MACROD2: variants seen among roughly 807,000 people sequenced by gnomAD.
MACROD2 encodes the protein mono-ADP ribosylhydrolase 2.
In MACROD2, 36 loss-of-function variants were observed where a neutral mutation model predicts 70.4. The observed-to-expected ratio is 0.51, with a 90% CI of 0.39 to 0.68. The LOEUF (loss-of-function observed/expected upper bound fraction) is 0.68. MACROD2 is among the 30% of genes least tolerant of loss of function. The pLI is 0.00. For synonymous variants in MACROD2, 172 were observed against 178.8 expected, an observed-to-expected ratio of 0.96 and a Z score of 0.30; for missense variants, 496 against 538.4, an observed-to-expected ratio of 0.92 and a Z score of 0.78.
chr20:14,808,715 G>T lies in MACROD2; in HGVS notation c.418+123756G>T, dbSNP rs140760373. On this transcript the variant is annotated intron_variant, in intron 5 of 17. Transcript: ENST00000684519. ...ATCTCATGTGCAAAGACACACATAGGCTCAAAATAAAGGGATGGAGCAAGA... is the reference window on the plus strand; with the variant it reads ...ATCTCATGTGCAAAGACACACATAGTCTCAAAATAAAGGGATGGAGCAAGA... Among the ~76,000 whole-genome samples the T allele has an allele frequency of 5.7e-4, 87 of 151,332 alleles. No individual in the cohort carries two copies. In the East Asian group the frequency reaches 0.013, roughly 23 times the overall value.
chr20:14,430,545 C>G (rs565275940), intron 3 of MACROD2, among the ~76,000 whole-genome samples: 1 of 149,278 alleles, frequency 6.7e-6, no homozygotes, highest in Admixed American at 6.6e-5. Context: ...GATGGCAATG[C>G]TTTGTTCAAA....
intron 5 of MACROD2, among the ~76,000 whole-genome samples, chr20:15,064,088 A>G (rs556522027): frequency 2.0e-5 from 3 of 152,316 alleles, no homozygotes; most frequent in African/African-American, 7.2e-5. Flanking sequence ...CGCACCAGTG[A>G]TTGAGTGACT....
At chr20:14,713,540 G>A (rs1416504747) in intron 5 of MACROD2, among the ~76,000 whole-genome samples, 2 of 152,104 alleles carry the variant, frequency 1.3e-5, no homozygotes, top group East Asian at 3.9e-4. Context: ...TGATTAAATA[G>A]ATTAGGTGGA....
chr20:14,930,322 C>CT (rs1568882466), intron 5 of MACROD2, among the ~76,000 whole-genome samples: 1 of 152,100 alleles, frequency 6.6e-6, no homozygotes, highest in Non-Finnish European at 1.5e-5. Context: ...ACCTTGTTGT[C>CT]AATGTGGAAT....
chr20:14,603,504 C>G (rs543956398), intron 4 of MACROD2, among the ~76,000 whole-genome samples: 6 of 152,074 alleles, frequency 3.9e-5, no homozygotes, highest in Non-Finnish European at 7.4e-5. Context: ...TTGGCATGGT[C>G]TAATACTTGG....
intron 5 of MACROD2, among the ~76,000 whole-genome samples, chr20:14,906,716 A>C (rs1008349560): frequency 5.3e-5 from 8 of 152,182 alleles, no homozygotes; most frequent in Admixed American, 4.6e-4. Flanking sequence ...TAGGTTCAAT[A>C]AAAGAACAGG....
At position 15,021,259 on chromosome 20, in the gene MACROD2, CACCTGT is replaced by C. The variant is rs1178081379; in HGVS notation, c.419-208680_419-208675del. Among the ~76,000 whole-genome samples the C allele has an allele frequency of 4.4e-5, 4 of 91,954 alleles. 1 individual carries two copies. Among genetic ancestry groups the C allele is most frequent in the Admixed American group, 1.0e-4 (1 of 9,588 alleles). The allele number at this position is 91,954 out of a possible 152,430, so 60.3% of individuals were successfully genotyped here. Reference sequence around the variant, plus strand: ...ACACACCTGTGTGTATGTATACACACACCTGTGTGTGTGTATACGCACACCTGTGTG... The same window carrying C: ...ACACACCTGTGTGTATGTATACACACGTGTGTGTATACGCACACCTGTGTG... On this transcript the variant is annotated intron_variant, in intron 5 of 17. Transcript: ENST00000684519.
chr20:15,842,603 A>G (rs1004905282), intron 8 of MACROD2, among the ~76,000 whole-genome samples: 3 of 150,810 alleles, frequency 2.0e-5, no homozygotes, highest in African/African-American at 4.9e-5. Context: ...TTGCATTGCT[A>G]TTTGAACATC....
chr20:14,782,726 C>G (rs944076581), intron 5 of MACROD2, among the ~76,000 whole-genome samples: 3 of 152,098 alleles, frequency 2.0e-5, no homozygotes, highest in Non-Finnish European at 4.4e-5. Context: ...CTCCCTCTGC[C>G]CAGTCCTGCT....
At chr20:14,472,772 A>G (rs1429327620) in intron 3 of MACROD2, among the ~76,000 whole-genome samples, 1 of 152,202 alleles carries the variant, frequency 6.6e-6, no homozygotes, top group East Asian at 1.9e-4. Flanking sequence ...GAAGGCAGAA[A>G]CACTGCTTAT....
At chr20:14,510,361 T>G (rs2085016172) in intron 4 of MACROD2, among the ~76,000 whole-genome samples, 1 of 152,076 alleles carries the variant, frequency 6.6e-6, no homozygotes, top group South Asian at 2.1e-4. Context: ...ATTAATAAAA[T>G]GAGAAAAACA....
chr20:14,127,528 G>T, intron 3 of MACROD2: 1 of 508,908 alleles, frequency 2.0e-6, no homozygotes, highest in South Asian at 3.1e-5. Flanking sequence ...CTCTACTTAA[G>T]GAGAAAGCCA....
At chr20:15,349,981 T>C (rs915597064) in intron 6 of MACROD2, among the ~76,000 whole-genome samples, 2 of 152,128 alleles carry the variant, frequency 1.3e-5, no homozygotes, top group Non-Finnish European at 2.9e-5. Context: ...TTCTCATTGC[T>C]GATAGATGAA....
chr20:15,580,662 T>C (rs1277419430), intron 8 of MACROD2, among the ~76,000 whole-genome samples: 3 of 152,168 alleles, frequency 2.0e-5, no homozygotes, highest in Non-Finnish European at 2.9e-5. Context: ...CTTTACCCTC[T>C]GAAGGTTTGC....
chr20:14,677,056 T>G (rs2070870323), intron 4 of MACROD2, among the ~76,000 whole-genome samples: 1 of 152,204 alleles, frequency 6.6e-6, no homozygotes, highest in African/African-American at 2.4e-5. Context: ...GTACAGTACC[T>G]GATACGTTTC....
intron 15 of MACROD2, among the ~76,000 whole-genome samples, chr20:15,998,996 G>C (rs1261272944): frequency 6.6e-6 from 1 of 152,022 alleles, no homozygotes; most frequent in Non-Finnish European, 1.5e-5. Context: ...TTTCATGAGA[G>C]ATTAGAGATT....
chr20:13,998,815 C>T (rs1213893015), intron 1 of MACROD2, among the ~76,000 whole-genome samples: 4 of 151,944 alleles, frequency 2.6e-5, no homozygotes, highest in Non-Finnish European at 5.9e-5. Context: ...ATTAGCCGGT[C>T]GTGGTGGCAC....
At chr20:14,859,155 A>C (rs6034050) in intron 5 of MACROD2, among the ~76,000 whole-genome samples, 2,433 of 152,152 alleles carry the variant, frequency 0.016, 66 homozygotes, top group African/African-American at 0.055. Context: ...GCTGTGGTGC[A>C]CTAAAATCTC....
At chr20:15,627,242 A>C (rs200447680) in intron 8 of MACROD2, among the ~76,000 whole-genome samples, 3,146 of 151,832 alleles carry the variant, frequency 0.021, 38 homozygotes, top group East Asian at 0.037. Flanking sequence ...AAAAAAAAAA[A>C]AAAAAACTGG....
Sources: allele counts gnomAD v4.1 joint callset (sites outside exome capture counted in the v4.1 genomes callset), GRCh38; gene constraint gnomAD v4.1.1; transcripts MANE v1.5; gene names NCBI Gene and HGNC (gene_info 2026-07-23, HGNC 2026-07-21).